Variants in COX7B2 observed in about 807,000 individuals in gnomAD.
The protein encoded by COX7B2 is cytochrome c oxidase subunit 7B2, mitochondrial.
For synonymous variants in COX7B2, 37 were observed against 32.1 expected, an observed-to-expected ratio of 1.15 and a Z score of -0.51; for missense variants, 109 against 95.9, an observed-to-expected ratio of 1.14 and a Z score of -0.57.
At chr4:46,871,249 C>G (rs1422115954) in intron 1 of COX7B2, among the ~76,000 whole-genome samples, 1 of 152,096 alleles carries the variant, frequency 6.6e-6, no homozygotes, top group Admixed American at 6.6e-5. Flanking sequence ...GGGAAATGCT[C>G]TCTATTCAGT....
intron 2 of COX7B2, among the ~76,000 whole-genome samples, chr4:46,827,319 G>A (rs1330812033): frequency 2.6e-5 from 4 of 151,848 alleles, no homozygotes; most frequent in African/African-American, 9.7e-5. Flanking sequence ...GAAACTCATA[G>A]TCGACTTATG....
At chr4:46,794,173 G>A (rs1448772264) in intron 2 of COX7B2, among the ~76,000 whole-genome samples, 1 of 152,164 alleles carries the variant, frequency 6.6e-6, no homozygotes, top group African/African-American at 2.4e-5. Flanking sequence ...TATACACAGA[G>A]AAAATGGGAA....
intron 2 of COX7B2, among the ~76,000 whole-genome samples, chr4:46,772,623 G>A (rs1716940045): frequency 1.3e-5 from 2 of 151,774 alleles, no homozygotes; most frequent in Non-Finnish European, 2.9e-5. Context: ...AGAAAGAAAG[G>A]GAGAGAAAGA....
At chr4:46,757,762 G>A (rs1030803807) in intron 2 of COX7B2, among the ~76,000 whole-genome samples, 1 of 152,038 alleles carries the variant, frequency 6.6e-6, no homozygotes, top group African/African-American at 2.4e-5. Flanking sequence ...TCAGAGACAG[G>A]CATAGCTCAG....
intron 2 of COX7B2, among the ~76,000 whole-genome samples, chr4:46,749,967 T>C (rs530679791): frequency 5.1e-4 from 78 of 152,284 alleles, no homozygotes; most frequent in African/African-American, 1.7e-3. Flanking sequence ...ATTGGCTTTA[T>C]TTTAATGTAA....
At chr4:46,755,722 C>G (rs1320889601) in intron 2 of COX7B2, among the ~76,000 whole-genome samples, 2 of 151,380 alleles carry the variant, frequency 1.3e-5, no homozygotes, top group East Asian at 3.9e-4. Flanking sequence ...TAACATGATA[C>G]AAAAATAAAA....
intron 1 of COX7B2, among the ~76,000 whole-genome samples, chr4:46,869,433 G>T (rs180791805): frequency 1.3e-5 from 2 of 152,266 alleles, no homozygotes; most frequent in Admixed American, 1.3e-4. Flanking sequence ...TAGTTATTAT[G>T]TTGGCTTATT....
At chr4:46,774,464 A>C (rs951290833) in intron 2 of COX7B2, among the ~76,000 whole-genome samples, 2 of 152,018 alleles carry the variant, frequency 1.3e-5, no homozygotes, top group African/African-American at 2.4e-5. Context: ...TATTTTGTGG[A>C]TAGTCCTATT....
At chr4:46,906,663 A>G (rs1720410613) in intron 1 of COX7B2, among the ~76,000 whole-genome samples, 1 of 152,206 alleles carries the variant, frequency 6.6e-6, no homozygotes. Context: ...CTTAAGTTCC[A>G]GAATCTTCTT....
Position 46,735,208 on chromosome 4 carries a change from C to T in COX7B2, c.-16G>A. On this transcript the variant is annotated 5_prime_UTR_variant, in exon 3 of 3. Coordinates refer to ENST00000355591, the MANE Select transcript of COX7B2 (RefSeq NM_130902.3). ...GAAACATCATGAAGGATTGCAGTTG[C>T]CTTCAGCTACTGGTCTATTTTGTTG... 6.2e-7 allele frequency: 1 copy of T among 1,612,484 alleles called. No individual in the cohort carries two copies. The highest frequency in any genetic ancestry group is 8.5e-7 in the Non-Finnish European group (1 of 1,179,564).
chr4:46,805,504 A>C (rs926259062), intron 2 of COX7B2, among the ~76,000 whole-genome samples: 25 of 152,368 alleles, frequency 1.6e-4, no homozygotes, highest in African/African-American at 6.0e-4. Flanking sequence ...AGGTAAATAC[A>C]TCAATAATTC....
At chr4:46,744,886 C>T (rs140084151) in intron 2 of COX7B2, among the ~76,000 whole-genome samples, 9 of 151,756 alleles carry the variant, frequency 5.9e-5, no homozygotes, top group Non-Finnish European at 1.3e-4. Flanking sequence ...CACGCTGGCA[C>T]GCCCGGCTAA....
In COX7B2 at chr4:46,735,098, G is replaced by T. The variant is rs1714281598; in HGVS notation, c.95C>A (p.Pro32Gln). 3 of 1,613,968 alleles carry T rather than the reference G, an allele frequency of 1.9e-6. No homozygotes were observed. In the East Asian group the frequency reaches 6.7e-5, roughly 36 times the overall value. Residue 32 changes from proline to glutamine, a missense_variant, in exon 3 of 3, where the codon CCA becomes CAA. Coordinates refer to ENST00000355591, the MANE Select transcript of COX7B2 (RefSeq NM_130902.3). ...ATTACCATATTTATCATGAAAATCT[G>T]GTGAGTGTTTTACATGGCTATGTCT... ...MARHSHVKHS[P>Q]DFHDKYGNAV...
intron 2 of COX7B2, among the ~76,000 whole-genome samples, chr4:46,748,684 TC>T (rs1337188456): frequency 6.6e-6 from 1 of 152,200 alleles, no homozygotes; most frequent in Admixed American, 6.5e-5. Flanking sequence ...ACCAATTATT[TC>T]TTTCCTGGAA....
intron 2 of COX7B2, among the ~76,000 whole-genome samples, chr4:46,819,311 A>T (rs1353392181): frequency 2.6e-5 from 4 of 152,074 alleles, no homozygotes; most frequent in African/African-American, 7.2e-5. Context: ...AGGTATATCG[A>T]CTCCTCATGC....
chr4:46,846,668 C>G (rs1233800507), intron 1 of COX7B2, among the ~76,000 whole-genome samples: 6 of 151,852 alleles, frequency 4.0e-5, no homozygotes, highest in African/African-American at 1.5e-4. Context: ...AAAAAGGGAA[C>G]AGTAGTAGAA....
rs183563301 is a variant in COX7B2, at chr4:46,753,368, G to A, written c.-49-18127C>T. ...TTTTGTTGATCTTTTCAAAAAACCA[G>A]CACCCAATGGAACAGAACAGAGCCC... is the stretch of plus-strand genomic sequence containing the variant. On this transcript the variant is annotated intron_variant, in intron 2 of 2. Transcript: ENST00000355591. Among the ~76,000 whole-genome samples, 185 of 151,860 alleles carry A rather than the reference G, an allele frequency of 1.2e-3. 1 individual carries two copies. The highest frequency in any genetic ancestry group is 4.2e-3 in the African/African-American group (175 of 41,418).
chr4:46,874,709 A>G (rs1195409598), intron 1 of COX7B2, among the ~76,000 whole-genome samples: 1 of 152,164 alleles, frequency 6.6e-6, no homozygotes, highest in East Asian at 1.9e-4. Context: ...TAGATAAACT[A>G]CTTTAAAATG....
chr4:46,765,671 A>G (rs1716490048), intron 2 of COX7B2, among the ~76,000 whole-genome samples: 3 of 151,574 alleles, frequency 2.0e-5, no homozygotes, highest in African/African-American at 7.3e-5. Context: ...GGCCCACACC[A>G]ACATCAGCCC....
Sources: gnomAD v4.1 joint callset for allele counts (sites outside exome capture counted in the v4.1 genomes callset) on GRCh38, gnomAD v4.1.1 for gene constraint, MANE v1.5 for transcripts, NCBI Gene and HGNC (gene_info 2026-07-23, HGNC 2026-07-21) for gene names.